Variants in CYP4X1 observed in about 807,000 individuals in gnomAD.
The protein encoded by CYP4X1 is cytochrome P450 family 4 subfamily X member 1.
Under a neutral mutation model 57.9 loss-of-function variants are expected in CYP4X1, and 44 were observed. That is an observed-to-expected ratio of 0.76 (90% CI 0.60 to 0.98). The LOEUF (loss-of-function observed/expected upper bound fraction) is 0.98. CYP4X1 is among the 50% of genes least tolerant of loss of function. The pLI, the probability that CYP4X1 is intolerant of heterozygous loss-of-function variation, is 0.00. For missense variants in CYP4X1, 532 were observed against 623.9 expected, an observed-to-expected ratio of 0.85 and a Z score of 1.57; for synonymous variants, 227 against 228.6, an observed-to-expected ratio of 0.99 and a Z score of 0.06.
chr1:47,003,792 T>C, the CYP4X1 span, among the ~76,000 whole-genome samples: 1 of 152,122 alleles, frequency 6.6e-6, no homozygotes, highest in African/African-American at 2.4e-5. Context: ...CCTCCAACAA[T>C]AGGATATTTC....
chr1:46,983,964 C>A, the CYP4X1 span, among the ~76,000 whole-genome samples: 1 of 152,084 alleles, frequency 6.6e-6, no homozygotes, highest in Non-Finnish European at 1.5e-5. Flanking sequence ...TGAGGGCATG[C>A]AAGAGAGCCA....
the CYP4X1 span, among the ~76,000 whole-genome samples, chr1:47,010,764 A>G: frequency 6.6e-6 from 1 of 152,114 alleles, no homozygotes; most frequent in African/African-American, 2.4e-5. Flanking sequence ...TTATACACCA[A>G]TAACAGACAG....
chr1:46,974,966 T>A, the CYP4X1 span, among the ~76,000 whole-genome samples: 1 of 152,146 alleles, frequency 6.6e-6, no homozygotes, highest in Non-Finnish European at 1.5e-5. Flanking sequence ...ATATATGAGG[T>A]ATACAAGATG....
chr1:46,979,799 C>T, the CYP4X1 span, among the ~76,000 whole-genome samples: 4 of 152,128 alleles, frequency 2.6e-5, no homozygotes, highest in East Asian at 5.8e-4. Flanking sequence ...TGGCTTCATT[C>T]CTGGAATGCA....
At chr1:46,975,865 A>T in the CYP4X1 span, among the ~76,000 whole-genome samples, 16 of 152,002 alleles carry the variant, frequency 1.1e-4, 1 homozygote, top group Admixed American at 2.0e-4. Context: ...CATCAAAAAA[A>T]TTTTTTTTCT....
At chr1:47,055,257 C>G (rs1644386423), downstream of CYP4X1, among the ~76,000 whole-genome samples, 1 of 152,146 alleles carries the variant, frequency 6.6e-6, no homozygotes, top group Admixed American at 6.6e-5. Flanking sequence ...CCTTTCATCC[C>G]AGTGATGAAG....
At chr1:47,008,396 C>A in the CYP4X1 span, among the ~76,000 whole-genome samples, 5 of 152,262 alleles carry the variant, frequency 3.3e-5, no homozygotes, top group East Asian at 1.9e-4. Flanking sequence ...CACCAGCAGG[C>A]CTGCCTTACA....
At chr1:47,014,865 G>T in the CYP4X1 span, among the ~76,000 whole-genome samples, 6 of 152,150 alleles carry the variant, frequency 3.9e-5, no homozygotes, top group Non-Finnish European at 1.5e-5. Context: ...AGATTTCACT[G>T]CCCTGTCCTT....
At chr1:46,974,233 G>T in the CYP4X1 span, among the ~76,000 whole-genome samples, 100 of 152,168 alleles carry the variant, frequency 6.6e-4, no homozygotes, top group African/African-American at 2.3e-3. Context: ...GGTTTTGAGA[G>T]TTTTTTTGGT....
At chr1:46,992,426 A>G in the CYP4X1 span, among the ~76,000 whole-genome samples, 48 of 152,316 alleles carry the variant, frequency 3.2e-4, no homozygotes, top group East Asian at 9.1e-3. Context: ...GACTTCCCCC[A>G]GTCCCTGGTT....
chr1:46,969,268 C>G, the CYP4X1 span, among the ~76,000 whole-genome samples: 1 of 152,284 alleles, frequency 6.6e-6, no homozygotes, highest in Non-Finnish European at 1.5e-5. Context: ...TTACTGAGGC[C>G]CTCACCAGAA....
chr1:47,053,916 C>T (rs200505868), downstream of CYP4X1, among the ~76,000 whole-genome samples: 6 of 151,930 alleles, frequency 3.9e-5, no homozygotes, highest in East Asian at 7.7e-4. Flanking sequence ...GAAGCTCTTT[C>T]GTTTAATTAG....
the CYP4X1 span, chr1:46,961,778 T>C: frequency 7.7e-7 from 1 of 1,304,832 alleles, no homozygotes; most frequent in Non-Finnish European, 1.0e-6. Flanking sequence ...CCTGCCTTTC[T>C]TGCCTTGCCC....
chr1:47,052,375 C>A (rs1396984720), downstream of CYP4X1, among the ~76,000 whole-genome samples: 1 of 152,098 alleles, frequency 6.6e-6, no homozygotes, highest in East Asian at 1.9e-4. Flanking sequence ...CCTTATATTT[C>A]TGTCACACAT....
At chr1:46,961,655 T>C in the CYP4X1 span, 1 of 1,290,672 alleles carries the variant, frequency 7.7e-7, no homozygotes, top group Non-Finnish European at 1.0e-6. Flanking sequence ...CTTATCAAGG[T>C]GCCTCCTCTG....
At chr1:46,989,624 G>A in the CYP4X1 span, among the ~76,000 whole-genome samples, 1 of 152,236 alleles carries the variant, frequency 6.6e-6, no homozygotes, top group African/African-American at 2.4e-5. Flanking sequence ...CAAAGCTGGA[G>A]GCATCACACT....
chr1:47,024,492 G>A (rs1644040529), intron 1 of CYP4X1, among the ~76,000 whole-genome samples: 2 of 152,124 alleles, frequency 1.3e-5, no homozygotes, highest in African/African-American at 4.8e-5. Flanking sequence ...AATACTGATT[G>A]ATGGAAATTT....
the CYP4X1 span, among the ~76,000 whole-genome samples, chr1:47,010,453 C>T: frequency 1.3e-5 from 2 of 152,190 alleles, no homozygotes; most frequent in African/African-American, 4.8e-5. Context: ...CAGCCAATAT[C>T]ATACTGAATG....
the CYP4X1 span, among the ~76,000 whole-genome samples, chr1:46,962,506 T>C: frequency 3.3e-5 from 5 of 152,168 alleles, no homozygotes; most frequent in African/African-American, 1.2e-4. Flanking sequence ...CTGTTTTCAG[T>C]GGTAAAGAGA....
Sources: gnomAD v4.1 joint callset for allele counts (sites outside exome capture counted in the v4.1 genomes callset) on GRCh38, gnomAD v4.1.1 for gene constraint, MANE v1.5 for transcripts, NCBI Gene and HGNC (gene_info 2026-07-23, HGNC 2026-07-21) for gene names.